The following TMEM178B variants were observed in gnomAD, a reference collection of about 807,000 sequenced individuals.
TMEM178B encodes the protein transmembrane protein 178B.
In TMEM178B, 5 loss-of-function variants were observed where a neutral mutation model predicts 31.0. The ratio of observed to expected loss-of-function variants is 0.16; its 90% confidence interval spans 0.08 to 0.34. TMEM178B has a LOEUF of 0.34. Among genes scored for constraint, TMEM178B ranks in the 10% least tolerant of loss-of-function variants. TMEM178B has a pLI of 1.00. For missense variants in TMEM178B, 275 were observed against 400.3 expected (o/e 0.69, Z 2.67); for synonymous variants, 164 against 164.0 (o/e 1.00, Z 0.00).
intron 2 of TMEM178B, among the ~76,000 whole-genome samples, chr7:141,264,579 G>C (rs1364262057): frequency 2.0e-5 from 3 of 152,224 alleles, no homozygotes. Flanking sequence ...TATGAATAGA[G>C]TGGGAGACAT....
intron 2 of TMEM178B, among the ~76,000 whole-genome samples, chr7:141,215,051 T>G (rs1797109336): frequency 6.6e-6 from 1 of 152,262 alleles, no homozygotes; most frequent in Admixed American, 6.5e-5. Flanking sequence ...AATTTGGTAC[T>G]AAGTGTAATT....
At chr7:141,157,915 C>A (rs1796100717) in intron 1 of TMEM178B, among the ~76,000 whole-genome samples, 1 of 152,150 alleles carries the variant, frequency 6.6e-6, no homozygotes, top group Admixed American at 6.6e-5. Context: ...TGTTCCCCGC[C>A]TCTGTGCCTC....
rs1445286575 is a variant in TMEM178B at position 141,477,540 on chromosome 7, T to C, written c.*6754T>C. The C allele has an allele frequency of 6.6e-6, 1 of 152,136 alleles. No individual in the cohort carries two copies. The highest frequency in any genetic ancestry group is 1.5e-5 in the Non-Finnish European group (1 of 68,048). 9.4% of individuals were successfully genotyped at this position (152,136 alleles called of 1,614,324 possible). On this transcript the variant is annotated 3_prime_UTR_variant, in exon 4 of 4. Transcript: ENST00000565468. ...CCAAAATAAAAGTAAATCAGCAATGTTTGAAGGGTCATGGCAAGGGTCATG... is the reference window on the plus strand; with the variant it reads ...CCAAAATAAAAGTAAATCAGCAATGCTTGAAGGGTCATGGCAAGGGTCATG...
intron 3 of TMEM178B, among the ~76,000 whole-genome samples, chr7:141,468,121 C>G (rs891922984): frequency 6.6e-6 from 1 of 152,146 alleles, no homozygotes; most frequent in Non-Finnish European, 1.5e-5. Flanking sequence ...ATTTCTTCCT[C>G]TGGATCTGGG....
At chr7:141,200,831 A>G (rs1363830173) in intron 1 of TMEM178B, among the ~76,000 whole-genome samples, 1 of 152,144 alleles carries the variant, frequency 6.6e-6, no homozygotes, top group African/African-American at 2.4e-5. Context: ...GCTTTCTCCT[A>G]ACTGCTTGAT....
chr7:141,354,325 T>C (rs560234271), intron 2 of TMEM178B, among the ~76,000 whole-genome samples: 1 of 152,368 alleles, frequency 6.6e-6, no homozygotes, highest in Admixed American at 6.5e-5. Context: ...AAAGAACTTA[T>C]GTATCAGAGA....
intron 1 of TMEM178B, among the ~76,000 whole-genome samples, chr7:141,100,041 G>C (rs1013709385): frequency 6.6e-5 from 10 of 152,120 alleles, no homozygotes; most frequent in African/African-American, 1.4e-4. Flanking sequence ...GGATGGTCTC[G>C]ATCTCCTGAC....
chr7:141,255,122 C>A (rs1797905341), intron 2 of TMEM178B, among the ~76,000 whole-genome samples: 1 of 152,188 alleles, frequency 6.6e-6, no homozygotes, highest in South Asian at 2.1e-4. Flanking sequence ...ATTTTACACA[C>A]AGTTTTCAGG....
At position 141,223,479 on chromosome 7, in the gene TMEM178B, C is replaced by CTTTTTTTTTTTT. The variant is rs10680431; in HGVS notation, c.496+10781_496+10792dup. Among the ~76,000 whole-genome samples the CTTTTTTTTTTTT allele has an allele frequency of 8.3e-3, 1,083 of 130,954 alleles. 25 individuals are homozygous for CTTTTTTTTTTTT. Among genetic ancestry groups the CTTTTTTTTTTTT allele is most frequent in the African/African-American group, 0.031 (1,023 of 32,896 alleles). 85.9% of individuals were successfully genotyped at this position (130,954 alleles called of 152,430 possible). The stretch of plus-strand genomic sequence containing the variant: ...GCTGATGTTCTCTGCTGTTTTCACT[C>CTTTTTTTTTTTT]TTTTTTTTTTTTTTTTTGTATTTCC... On this transcript the variant is annotated intron_variant, in intron 2 of 3. Coordinates refer to ENST00000565468, the MANE Select transcript of TMEM178B (RefSeq NM_001195278.2).
intron 2 of TMEM178B, among the ~76,000 whole-genome samples, chr7:141,374,585 C>G (rs180729134): frequency 6.6e-6 from 1 of 152,164 alleles, no homozygotes; most frequent in African/African-American, 2.4e-5. Context: ...AAAAACCCCA[C>G]GCGCATACAG....
At chr7:141,092,431 T>C (rs1044318154) in intron 1 of TMEM178B, among the ~76,000 whole-genome samples, 7 of 152,198 alleles carry the variant, frequency 4.6e-5, no homozygotes, top group Non-Finnish European at 1.0e-4. Flanking sequence ...AATGTACTTA[T>C]GTACAGGTGA....
chr7:141,193,126 G>A (rs769296126), intron 1 of TMEM178B, among the ~76,000 whole-genome samples: 3 of 152,106 alleles, frequency 2.0e-5, no homozygotes, highest in Admixed American at 6.5e-5. Context: ...CCTATGAGGC[G>A]GTGGCCCTAG....
chr7:141,277,058 C>T (rs1798278144), intron 2 of TMEM178B, among the ~76,000 whole-genome samples: 1 of 152,170 alleles, frequency 6.6e-6, no homozygotes, highest in East Asian at 1.9e-4. Context: ...AGGCCCAGGA[C>T]ATTACTATAC....
At chr7:141,429,530 C>G (rs1554487044) in intron 2 of TMEM178B, among the ~76,000 whole-genome samples, 2 of 152,124 alleles carry the variant, frequency 1.3e-5, no homozygotes, top group Non-Finnish European at 2.9e-5. Flanking sequence ...TTACCAGAGG[C>G]TGGTGTGGTT....
chr7:141,148,935 C>T (rs1043183715), intron 1 of TMEM178B, among the ~76,000 whole-genome samples: 14 of 152,166 alleles, frequency 9.2e-5, no homozygotes, highest in African/African-American at 3.4e-4. Flanking sequence ...TGAAAAGGCC[C>T]TCACTTGGGT....
chr7:141,302,037 A>G (rs1197088272), intron 2 of TMEM178B, among the ~76,000 whole-genome samples: 2 of 152,178 alleles, frequency 1.3e-5, no homozygotes, highest in Non-Finnish European at 2.9e-5. Context: ...GTGGAGTTTC[A>G]GTTTGGGGAG....
intron 3 of TMEM178B, among the ~76,000 whole-genome samples, chr7:141,449,330 T>C (rs889858868): frequency 1.3e-5 from 2 of 152,046 alleles, no homozygotes; most frequent in African/African-American, 4.8e-5. Context: ...AGGAGTTTTC[T>C]CTCTCCTGTT....
intron 1 of TMEM178B, among the ~76,000 whole-genome samples, chr7:141,151,064 A>C (rs1033673747): frequency 3.9e-5 from 6 of 152,182 alleles, no homozygotes; most frequent in African/African-American, 1.4e-4. Flanking sequence ...CCTTCAACAA[A>C]TATTTAAGGG....
At chr7:141,105,177 A>G (rs75886032) in intron 1 of TMEM178B, among the ~76,000 whole-genome samples, 1 of 152,166 alleles carries the variant, frequency 6.6e-6, no homozygotes, top group Admixed American at 6.5e-5. Flanking sequence ...CTGTCATTGT[A>G]TGAGCAAACC....
Sources: gnomAD v4.1 joint callset for allele counts (sites outside exome capture counted in the v4.1 genomes callset) on GRCh38, gnomAD v4.1.1 for gene constraint, MANE v1.5 for transcripts, NCBI Gene and HGNC (gene_info 2026-07-23, HGNC 2026-07-21) for gene names.